AHI1: variants seen among roughly 807,000 people sequenced by gnomAD.
AHI1 encodes the protein Abelson helper integration site 1.
A neutral mutation model predicts 149.3 loss-of-function variants in AHI1; 123 were observed. The ratio of observed to expected loss-of-function variants is 0.82; its 90% CI spans 0.71 to 0.96. The LOEUF (loss-of-function observed/expected upper bound fraction) is 0.96. AHI1 is among the 40% of genes least tolerant of loss of function. The pLI is 0.00. For synonymous variants in AHI1, 475 were observed against 459.8 expected (o/e 1.03, Z -0.42); for missense variants, 1,439 against 1,422.7 (o/e 1.01, Z -0.18).
At chr6:135,355,448 T>G (rs1005215575) in intron 24 of AHI1, among the ~76,000 whole-genome samples, 6 of 152,124 alleles carry the variant, frequency 3.9e-5, no homozygotes, top group Non-Finnish European at 7.4e-5. Context: ...AGAGGTGACA[T>G]GGAACAAAGG....
rs535506113 is a variant in AHI1 at position 135,460,501 on chromosome 6, G to C, written c.931+2624C>G. Among the ~76,000 whole-genome samples, 14 of 152,258 alleles carry C rather than the reference G, an allele frequency of 9.2e-5. No individual in the cohort carries two copies. The South Asian group carries it at 2.3e-3, about 25-fold the overall frequency. On this transcript the variant is annotated intron_variant, in intron 8 of 28. Transcript: ENST00000265602. ...TCTCTTTAGAGAGTTGTTATGCTGT[G>C]ACTCTTTAGATTCACCCAGTCTAGA...
At chr6:135,427,467 A>G (rs916399625) in intron 19 of AHI1, among the ~76,000 whole-genome samples, 160 bp from the exon 20 acceptor site, 3 of 151,778 alleles carry the variant, frequency 2.0e-5, no homozygotes, top group Admixed American at 2.0e-4. Context: ...TTGAGTAACA[A>G]TGTATTAAAT....
chr6:135,376,881 C>CAAAAAAAAAAAAAAAAAAAAAAAAA (rs1167083326), intron 23 of AHI1, among the ~76,000 whole-genome samples: 1 of 29,414 alleles, frequency 3.4e-5, no homozygotes, highest in African/African-American at 1.6e-4. Flanking sequence ...GACTCCATCT[C>CAAAAAAAAAAAAAAAAAAAAAAAAA]AAAAAAAAAA....
intron 26 of AHI1, among the ~76,000 whole-genome samples, chr6:135,303,050 G>C (rs1188215301): frequency 6.6e-6 from 1 of 152,150 alleles, no homozygotes; most frequent in African/African-American, 2.4e-5. Context: ...CTAGAGACTT[G>C]CGCTTTCCAA....
rs764546253 is a variant in AHI1 at position 135,383,226 on chromosome 6, CTT to C, written c.3109+11548_3109+11549del. On this transcript the variant is annotated intron_variant, in intron 23 of 28. Coordinates refer to ENST00000265602, the MANE Select transcript of AHI1 (RefSeq NM_001134831.2). The stretch of plus-strand genomic sequence containing the variant: ...GATTGATTCCTTCCTTCCCCCCTCC[CTT>C]TTTTTTTTTTTTTTTTTTTGAGACA... Among the ~76,000 whole-genome samples, 117 of 76,850 alleles carry C rather than the reference CTT, an allele frequency of 1.5e-3. 1 individual carries two copies. In the East Asian group the frequency reaches 0.031, roughly 21 times the overall value. 50.4% of individuals were successfully genotyped at this position (76,850 alleles called of 152,430 possible).
At chr6:135,402,204 T>A (rs1209261543) in intron 22 of AHI1, among the ~76,000 whole-genome samples, 1 of 152,162 alleles carries the variant, frequency 6.6e-6, no homozygotes, top group African/African-American at 2.4e-5. Context: ...TGGAACCTCA[T>A]TCGTACACTG....
intron 24 of AHI1, among the ~76,000 whole-genome samples, chr6:135,346,179 C>CTTATTT (rs1791174240): frequency 6.6e-6 from 1 of 151,902 alleles, no homozygotes; most frequent in African/African-American, 2.4e-5. Flanking sequence ...CTGAGCTGTG[C>CTTATTT]TTATTTTTAT....
chr6:135,435,405 C>A (rs1400778914), intron 15 of AHI1, among the ~76,000 whole-genome samples: 1 of 152,128 alleles, frequency 6.6e-6, no homozygotes, highest in Non-Finnish European at 1.5e-5. Context: ...CCTATGAGAG[C>A]TCACAAAAGG....
At chr6:135,370,908 TA>T (rs1185965824) in intron 23 of AHI1, among the ~76,000 whole-genome samples, 1 of 152,166 alleles carries the variant, frequency 6.6e-6, no homozygotes, top group African/African-American at 2.4e-5. Flanking sequence ...AATCTGCTAT[TA>T]GTTCCCTTCT....
intron 20 of AHI1, among the ~76,000 whole-genome samples, chr6:135,413,797 A>G (rs1347044352): frequency 6.6e-6 from 1 of 152,158 alleles, no homozygotes; most frequent in Non-Finnish European, 1.5e-5. Context: ...GGGGAAAAAA[A>G]GGAGAAAGAT....
chr6:135,336,116 A>T (rs1050566410), intron 24 of AHI1, among the ~76,000 whole-genome samples: 9 of 150,614 alleles, frequency 6.0e-5, no homozygotes, highest in African/African-American at 2.2e-4. Context: ...TCCGTCTAAA[A>T]AAAAAAAAAA....
intron 25 of AHI1, among the ~76,000 whole-genome samples, chr6:135,319,435 A>G (rs1786471789): frequency 6.6e-6 from 1 of 152,216 alleles, no homozygotes; most frequent in South Asian, 2.1e-4. Context: ...AGACAGCGCC[A>G]CTGCACTCCA....
At chr6:135,349,757 A>G (rs902012920) in intron 24 of AHI1, among the ~76,000 whole-genome samples, 6 of 152,252 alleles carry the variant, frequency 3.9e-5, no homozygotes, top group Non-Finnish European at 8.8e-5. Flanking sequence ...TTGAGCAATA[A>G]GAGCAGCTGA....
At chr6:135,370,182 A>C (rs939485587) in intron 23 of AHI1, among the ~76,000 whole-genome samples, 2 of 152,202 alleles carry the variant, frequency 1.3e-5, no homozygotes, top group Non-Finnish European at 2.9e-5. Context: ...TTTTTCAGAA[A>C]GCTAGGGTGA....
intron 23 of AHI1, among the ~76,000 whole-genome samples, chr6:135,371,188 A>G (rs1438871119): frequency 2.6e-5 from 4 of 152,246 alleles, no homozygotes; most frequent in African/African-American, 7.2e-5. Context: ...TATGCCTAAC[A>G]GAAAAATCTA....
At chr6:135,365,340 G>A (rs903069727) in intron 23 of AHI1, among the ~76,000 whole-genome samples, 6 of 152,070 alleles carry the variant, frequency 3.9e-5, no homozygotes, top group South Asian at 4.2e-4. Context: ...CTAGTTCTGC[G>A]AAAAATGATG....
At chr6:135,378,290 T>C (rs1026101818) in intron 23 of AHI1, among the ~76,000 whole-genome samples, 3 of 152,328 alleles carry the variant, frequency 2.0e-5, no homozygotes, top group Middle Eastern at 3.4e-3. Flanking sequence ...AATTCACTGA[T>C]AAAATGAATA....
intron 21 of AHI1, among the ~76,000 whole-genome samples, chr6:135,407,936 GAGGCAGGAGA>G (rs752882866): frequency 7.9e-5 from 12 of 151,984 alleles, no homozygotes; most frequent in Non-Finnish European, 1.5e-4. Flanking sequence ...TCGGGAGGCT[GAGGCAGGAGA>G]ATGGCGTGAA....
At chr6:135,334,550 C>A (rs1351153282) in intron 24 of AHI1, among the ~76,000 whole-genome samples, 4 of 152,164 alleles carry the variant, frequency 2.6e-5, no homozygotes, top group African/African-American at 7.2e-5. Flanking sequence ...ATGAATTAAA[C>A]CTTTTCTTAC....
Sources: allele counts gnomAD v4.1 joint callset (sites outside exome capture counted in the v4.1 genomes callset), GRCh38; gene constraint gnomAD v4.1.1; transcripts MANE v1.5; gene names NCBI Gene and HGNC (gene_info 2026-07-23, HGNC 2026-07-21).